The following SENP2 variants were observed in gnomAD, a reference collection of about 807,000 sequenced individuals.
SENP2 encodes the protein SUMO specific peptidase 2, also known as sentrin-specific protease 2.
Under a neutral mutation model 86.3 loss-of-function variants are expected in SENP2, and 16 were observed. That is an observed-to-expected ratio of 0.19 (90% confidence interval 0.13 to 0.28). The LOEUF (loss-of-function observed/expected upper bound fraction) is 0.28. SENP2 is among the 10% of genes least tolerant of loss of function. The pLI is 1.00. For synonymous variants in SENP2, 222 were observed against 238.7 expected, an observed-to-expected ratio of 0.93 and a Z score of 0.64; for missense variants, 552 against 703.0, an observed-to-expected ratio of 0.79 and a Z score of 2.43.
rs776100608 is a variant in SENP2 at position 185,629,804 on chromosome 3, A to G, written c.1730A>G (p.Lys577Arg). 57 of 1,614,056 alleles carry G rather than the reference A, an allele frequency of 3.5e-5. No individual in the cohort carries two copies. Among genetic ancestry groups the G allele is most frequent in the Non-Finnish European group, 4.7e-5 (55 of 1,180,018 alleles). ...FTQHQMPLFR[K>R]KMVWEILHQQ... ...CAGCACCAGATGCCTCTCTTCCGGA[A>G]GAAGATGGTGTGGGAAATCCTTCAT... is the stretch of plus-strand genomic sequence containing the variant. Residue 577 changes from lysine to arginine, a missense_variant, in exon 17 of 17, where the codon AAG becomes AGG. Physicochemically the swap from Lys to Arg is conservative, Grantham distance 26 (BLOSUM62 2). Transcript: ENST00000296257.
chr3:185,600,701 T>G, intron 4 of SENP2, 64 bp from the exon 5 acceptor site: 3 of 1,084,370 alleles, frequency 2.8e-6, no homozygotes, highest in Non-Finnish European at 4.2e-6. Flanking sequence ...TTTTTTTCTT[T>G]CCTTATGCAG....
In SENP2 at chr3:185,595,665, G is replaced by T. The variant is rs183432799; in HGVS notation, c.158-2747G>T. 1.7e-3 allele frequency among the ~76,000 whole-genome samples: 264 copies of T among 152,218 alleles called. 3 individuals carry two copies. The highest frequency in any genetic ancestry group is 3.5e-3 in the South Asian group (17 of 4,830). ...TCAAATACCCTTAATTAGGACATAG[G>T]ATATTGTAGAAAGCTTACATCAGAT... is the stretch of plus-strand genomic sequence containing the variant. On this transcript the variant is annotated intron_variant, in intron 2 of 16. Coordinates refer to ENST00000296257, the MANE Select transcript of SENP2 (RefSeq NM_021627.3).
At chr3:185,593,132 T>C (rs1175357650) in intron 2 of SENP2, among the ~76,000 whole-genome samples, 1 of 152,074 alleles carries the variant, frequency 6.6e-6, no homozygotes, top group Admixed American at 6.6e-5. Context: ...GGATAGGATA[T>C]CAAAGGAGAG....
In SENP2 at chr3:185,630,853, C is replaced by T. The variant is rs910358040; in HGVS notation, c.*1009C>T. The stretch of plus-strand genomic sequence containing the variant: ...TAAGTTTTCTACTCATTAAGACTAA[C>T]ATCTCCCCACTCCATCCCCACTGAA... On this transcript the variant is annotated 3_prime_UTR_variant, in exon 17 of 17. Coordinates refer to ENST00000296257, the MANE Select transcript of SENP2 (RefSeq NM_021627.3). 1 of 152,356 alleles carries T rather than the reference C, an allele frequency of 6.6e-6. No homozygotes were observed. Among genetic ancestry groups the T allele is most frequent in the African/African-American group, 2.4e-5 (1 of 41,450 alleles). 9.4% of individuals were successfully genotyped at this position (152,356 alleles called of 1,614,324 possible).
At chr3:185,619,784 C>A (rs1163705549) in intron 13 of SENP2, among the ~76,000 whole-genome samples, 6 of 151,890 alleles carry the variant, frequency 4.0e-5, no homozygotes, top group Non-Finnish European at 8.8e-5. Context: ...CTGGAGTGAA[C>A]TGGTGTGATC....
At chr3:185,594,129 A>C (rs962989371) in intron 2 of SENP2, among the ~76,000 whole-genome samples, 1 of 151,928 alleles carries the variant, frequency 6.6e-6, no homozygotes, top group African/African-American at 2.4e-5. Context: ...AGTCAGTTTT[A>C]AAGAAAAATA....
At chr3:185,612,035 T>A (rs1480998086) in intron 8 of SENP2, among the ~76,000 whole-genome samples, 1 of 151,884 alleles carries the variant, frequency 6.6e-6, no homozygotes, top group African/African-American at 2.4e-5. Flanking sequence ...CACTTGCCTG[T>A]AATCCCAGCT....
chr3:185,611,559 C>A, intron 7 of SENP2, 92 bp from the exon 8 acceptor site: 1 of 734,808 alleles, frequency 1.4e-6, no homozygotes, highest in East Asian at 2.6e-5. Context: ...TCAATCACCC[C>A]TATTTGGAGA....
intron 5 of SENP2, among the ~76,000 whole-genome samples, chr3:185,603,412 T>C (rs1722413012): frequency 6.6e-6 from 1 of 152,126 alleles, no homozygotes. Flanking sequence ...AGAAAGCTGG[T>C]TAAACTGAAA....
intron 6 of SENP2, among the ~76,000 whole-genome samples, chr3:185,607,319 CTTTTTTTTTT>C (rs758884593): frequency 3.0e-5 from 2 of 66,032 alleles, no homozygotes; most frequent in East Asian, 4.6e-4. Flanking sequence ...AGATTAGATT[CTTTTTTTTTT>C]TTTTTTTTTT....
chr3:185,629,863 C>G lies in SENP2; in HGVS notation c.*19C>G, dbSNP rs977269349. On this transcript the variant is annotated 3_prime_UTR_variant, in exon 17 of 17. Transcript: ENST00000296257. ...GCTGTGAGAAAACTTTGCCTGGTCCCTCTAGCTGCTGGTGGTTCTTTCACA... is the reference window on the plus strand; with the variant it reads ...GCTGTGAGAAAACTTTGCCTGGTCCGTCTAGCTGCTGGTGGTTCTTTCACA... The G allele has an allele frequency of 1.3e-5, 21 of 1,612,336 alleles. No individual in the cohort carries two copies. The highest frequency in any genetic ancestry group is 1.6e-4 in the Middle Eastern group (1 of 6,082).
intron 4 of SENP2, among the ~76,000 whole-genome samples, chr3:185,599,809 C>CTTTT (rs63047860): frequency 1.4e-4 from 18 of 132,006 alleles, no homozygotes; most frequent in South Asian, 2.4e-4. Flanking sequence ...TTCTTTCTTT[C>CTTTT]TTTTTTTTTT....
chr3:185,608,089 A>G (rs1051632904), intron 6 of SENP2, among the ~76,000 whole-genome samples: 6 of 152,222 alleles, frequency 3.9e-5, no homozygotes, highest in Admixed American at 2.0e-4. Flanking sequence ...AGAAATATTT[A>G]TTGGGGTCCC....
rs141841455 is a variant in SENP2, at chr3:185,624,080, C to T, written c.1609C>T (p.His537Tyr). Residue 537 changes from histidine (H) to tyrosine (Y), a missense_variant and splice_region_variant, in exon 15 of 17, where the codon CAC becomes TAC. His to Tyr is a moderately conservative substitution (Grantham distance 83, BLOSUM62 2). Transcript: ENST00000296257. ...LEWTHHSMKP[H>Y]EIPQQLNGSD... ...GTGGACCCATCACAGCATGAAACCA[C>T]ACGTGAGTGACGATCATCTACATGT... The T allele has an allele frequency of 2.8e-5, 45 of 1,603,224 alleles. No homozygotes were observed. The African/African-American group carries it at 4.4e-4, about 16-fold the overall frequency.
At chr3:185,600,382 AT>A (rs1722306291) in intron 4 of SENP2, among the ~76,000 whole-genome samples, 1 of 152,086 alleles carries the variant, frequency 6.6e-6, no homozygotes, top group African/African-American at 2.4e-5. Flanking sequence ...GGAATTCAGA[AT>A]TTTTCATATT....
chr3:185,626,935 C>T (rs761441800), intron 16 of SENP2, among the ~76,000 whole-genome samples: 9 of 150,686 alleles, frequency 6.0e-5, no homozygotes, highest in South Asian at 2.1e-4. Flanking sequence ...AAATTAGCCA[C>T]GTGGTGGTGC....
chr3:185,625,057 C>G (rs560712999), intron 15 of SENP2, among the ~76,000 whole-genome samples: 1 of 151,632 alleles, frequency 6.6e-6, no homozygotes, highest in African/African-American at 2.4e-5. Flanking sequence ...AGATGCTAGG[C>G]TTGAGAGAAA....
chr3:185,617,094 C>T (rs1182686721), intron 11 of SENP2, among the ~76,000 whole-genome samples: 1 of 152,012 alleles, frequency 6.6e-6, no homozygotes, highest in African/African-American at 2.4e-5. Flanking sequence ...TTATTGTTTC[C>T]ACAAGCTAAT....
intron 14 of SENP2, among the ~76,000 whole-genome samples, chr3:185,622,817 CTTTTTTTTTTTTTTT>C (rs35711486): frequency 1.7e-3 from 154 of 89,354 alleles, no homozygotes; most frequent in Non-Finnish European, 2.6e-3. Flanking sequence ...TACATTCATG[CTTTTTTTTTTTTTTT>C]TTTTTTTTTG....
Sources: gnomAD v4.1 joint callset for allele counts (sites outside exome capture counted in the v4.1 genomes callset) on GRCh38, gnomAD v4.1.1 for gene constraint, MANE v1.5 for transcripts, NCBI Gene and HGNC (gene_info 2026-07-23, HGNC 2026-07-21) for gene names.